Variants in CNTNAP2 observed in about 807,000 individuals in gnomAD.
CNTNAP2 encodes the protein contactin associated protein 2, also known as contactin-associated protein-like 2.
A neutral mutation model predicts 155.2 loss-of-function variants in CNTNAP2; 98 were observed. The observed-to-expected ratio is 0.63, with a 90% CI of 0.54 to 0.75. CNTNAP2 has a LOEUF of 0.75. Ranked by LOEUF, CNTNAP2 falls within the 30% of genes least tolerant of loss-of-function variation. The probability of loss-of-function intolerance (pLI) is 0.00; values close to 1 mark genes in which losing one functional copy is unlikely to be tolerated. For missense variants in CNTNAP2, 1,727 were observed against 1,688.1 expected (o/e 1.02, Z -0.40); for synonymous variants, 651 against 631.2 (o/e 1.03, Z -0.47).
intron 20 of CNTNAP2, among the ~76,000 whole-genome samples, chr7:148,241,394 A>C (rs1796156688): frequency 1.3e-5 from 2 of 152,194 alleles, no homozygotes; most frequent in Non-Finnish European, 2.9e-5. Context: ...CAACCCATTA[A>C]GCATATTCTC....
chr7:146,454,347 T>C (rs568397007), intron 1 of CNTNAP2, among the ~76,000 whole-genome samples: 1 of 152,164 alleles, frequency 6.6e-6, no homozygotes, highest in South Asian at 2.1e-4. Context: ...CAAATAACTT[T>C]GAAATAAAAG....
intron 1 of CNTNAP2, among the ~76,000 whole-genome samples, chr7:146,462,398 C>T (rs1177213574): frequency 1.3e-5 from 2 of 152,166 alleles, no homozygotes; most frequent in Non-Finnish European, 1.5e-5. Context: ...AGATGATCCT[C>T]TATTTCCCTA....
At position 146,902,001 on chromosome 7, in the gene CNTNAP2, G is replaced by T. The variant is rs554625172; in HGVS notation, c.402+62097G>T. Among the ~76,000 whole-genome samples, 730 of 146,804 alleles carry T rather than the reference G, an allele frequency of 5.0e-3. 5 individuals carry two copies. The highest frequency in any genetic ancestry group is 0.011 in the Middle Eastern group (3 of 266). The stretch of plus-strand genomic sequence containing the variant: ...CGCCATTCTCCTGCCTCAGCCTCCC[G>T]CATAGTTGGGACTACAGGCGCCTGC... On this transcript the variant is annotated intron_variant, in intron 3 of 23. Transcript: ENST00000361727.
chr7:146,967,902 G>A lies in CNTNAP2; in HGVS notation c.403-76005G>A, dbSNP rs546273699. 4.7e-4 allele frequency among the ~76,000 whole-genome samples: 71 copies of A among 151,772 alleles called. 1 individual carries two copies. The South Asian group carries it at 6.3e-3, about 13-fold the overall frequency. On this transcript the variant is annotated intron_variant, in intron 3 of 23. Transcript: ENST00000361727. ...TGTCTTGTGCCAGTTTTCAAAGGGA[G>A]TGCTTCCAGTTTTTGCGCATTCAGT...
intron 21 of CNTNAP2, among the ~76,000 whole-genome samples, chr7:148,329,776 C>G (rs1305249099): frequency 6.6e-6 from 1 of 152,222 alleles, no homozygotes; most frequent in Non-Finnish European, 1.5e-5. Context: ...CAGGGACGTT[C>G]TTTATCCAGC....
At chr7:146,633,832 GAAAAAAAA>G (rs60993956) in intron 1 of CNTNAP2, among the ~76,000 whole-genome samples, 3 of 79,046 alleles carry the variant, frequency 3.8e-5, no homozygotes, top group African/African-American at 6.0e-5. Context: ...TGCATCTAGA[GAAAAAAAA>G]AAAAAAAAAA....
At chr7:148,197,118 AT>A in intron 18 of CNTNAP2, among the ~76,000 whole-genome samples, 1 of 152,370 alleles carries the variant, frequency 6.6e-6, no homozygotes, top group Admixed American at 6.5e-5. Context: ...AGGGAAAAAA[AT>A]CATTCCTTTA....
chr7:147,693,195 C>T (rs181844915), intron 13 of CNTNAP2, among the ~76,000 whole-genome samples: 99 of 152,128 alleles, frequency 6.5e-4, no homozygotes, highest in Non-Finnish European at 8.2e-4. Flanking sequence ...TTGTTCTGTT[C>T]AGCTAATCTA....
At chr7:147,383,784 A>C (rs112935749) in intron 9 of CNTNAP2, among the ~76,000 whole-genome samples, 28 of 152,254 alleles carry the variant, frequency 1.8e-4, no homozygotes, top group African/African-American at 6.3e-4. Flanking sequence ...CTTAAAGTAA[A>C]AAAATAAAAA....
intron 2 of CNTNAP2, among the ~76,000 whole-genome samples, chr7:146,802,059 C>T (rs1053342818): frequency 3.3e-4 from 50 of 152,124 alleles, no homozygotes; most frequent in African/African-American, 1.1e-3. Flanking sequence ...TATTTGTTTT[C>T]TGTTGCTGGA....
At chr7:146,272,789 C>T (rs1213807875) in intron 1 of CNTNAP2, among the ~76,000 whole-genome samples, 1 of 151,914 alleles carries the variant, frequency 6.6e-6, no homozygotes, top group Admixed American at 6.6e-5. Flanking sequence ...AACAAGTCTT[C>T]CTAGGAAATT....
At chr7:147,448,493 T>TAC (rs1797779610) in intron 10 of CNTNAP2, among the ~76,000 whole-genome samples, 1 of 150,470 alleles carries the variant, frequency 6.6e-6, no homozygotes, top group Non-Finnish European at 1.5e-5. Context: ...TGTATATATA[T>TAC]ATATATATAT....
chr7:146,740,587 T>C (rs544972286), intron 1 of CNTNAP2, among the ~76,000 whole-genome samples: 3 of 152,348 alleles, frequency 2.0e-5, no homozygotes, highest in Admixed American at 1.3e-4. Flanking sequence ...TCTTGCTTTT[T>C]CTAGGAAAGC....
chr7:147,074,115 A>T (rs1799950932), intron 4 of CNTNAP2, among the ~76,000 whole-genome samples: 1 of 152,152 alleles, frequency 6.6e-6, no homozygotes, highest in Non-Finnish European at 1.5e-5. Flanking sequence ...CTGGCTGAAG[A>T]ACCATAGGTA....
chr7:146,368,360 A>G (rs900324797), intron 1 of CNTNAP2, among the ~76,000 whole-genome samples: 16 of 152,166 alleles, frequency 1.1e-4, no homozygotes, highest in Non-Finnish European at 1.5e-4. Context: ...ACTGGAAAAT[A>G]TATGCAATGA....
chr7:146,283,088 T>C (rs1297196225), intron 1 of CNTNAP2, among the ~76,000 whole-genome samples: 1 of 152,214 alleles, frequency 6.6e-6, no homozygotes, highest in African/African-American at 2.4e-5. Context: ...CGTAACCTTT[T>C]AATAGGAAAC....
Position 147,562,197 on chromosome 7 carries a change from T to C in CNTNAP2, c.1837T>C (p.Trp613Arg), listed in dbSNP as rs1562998233. 2 of 1,613,952 alleles carry C rather than the reference T, an allele frequency of 1.2e-6. No individual in the cohort carries two copies. The highest frequency in any genetic ancestry group is 1.7e-6 in the Non-Finnish European group (2 of 1,179,942). The change falls in exon 12 of 24, where the codon TGG becomes CGG. Residue 613 changes from tryptophan (W) to arginine (R), a missense_variant. Trp to Arg is a moderately radical substitution (Grantham distance 101). Transcript: ENST00000361727. ...CCTAGGACAGACATCAAATTATTAC[T>C]GGATAGATCCTGATGGCAGCGGACC... ...KHLGQTSNYY[W>R]IDPDGSGPLG...
At chr7:148,362,605 A>G (rs997155797) in intron 21 of CNTNAP2, among the ~76,000 whole-genome samples, 8 of 152,202 alleles carry the variant, frequency 5.3e-5, no homozygotes, top group African/African-American at 1.9e-4. Flanking sequence ...TTCTTCCTGC[A>G]TCTGTACTGC....
chr7:148,031,673 G>A (rs1452180068), intron 15 of CNTNAP2, among the ~76,000 whole-genome samples: 1 of 152,186 alleles, frequency 6.6e-6, no homozygotes, highest in Non-Finnish European at 1.5e-5. Flanking sequence ...GGTCAGTGGT[G>A]TTGCCCAGGG....
Sources: gnomAD v4.1 joint callset for allele counts (sites outside exome capture counted in the v4.1 genomes callset) on GRCh38, gnomAD v4.1.1 for gene constraint, MANE v1.5 for transcripts, NCBI Gene and HGNC (gene_info 2026-07-23, HGNC 2026-07-21) for gene names.